CDON: variants seen among roughly 807,000 people sequenced by gnomAD.
CDON encodes the protein cell adhesion associated, oncogene regulated, also known as cell adhesion molecule-related/down-regulated by oncogenes.
A neutral mutation model predicts 120.9 loss-of-function variants in CDON; 73 were observed. The observed-to-expected ratio is 0.60, with a 90% confidence interval of 0.50 to 0.73. The LOEUF (loss-of-function observed/expected upper bound fraction) is 0.73. Ranked by LOEUF, CDON falls within the 30% of genes least tolerant of loss-of-function variation. The pLI, the probability that CDON is intolerant of heterozygous loss-of-function variation, is 0.00. For missense variants in CDON, 1,470 were observed against 1,587.3 expected, an observed-to-expected ratio of 0.93 and a Z score of 1.26; for synonymous variants, 566 against 573.5, an observed-to-expected ratio of 0.99 and a Z score of 0.19.
intron 1 of CDON, among the ~76,000 whole-genome samples, chr11:126,060,556 G>GGA (rs577890875): frequency 6.7e-6 from 1 of 148,872 alleles, no homozygotes; most frequent in Non-Finnish European, 1.5e-5. Context: ...AACGTTCGTG[G>GGA]AAAAAAAAAA....
chr11:126,028,555 G>T (rs1433496916), intron 1 of CDON, among the ~76,000 whole-genome samples: 1 of 151,706 alleles, frequency 6.6e-6, no homozygotes, highest in Non-Finnish European at 1.5e-5. Flanking sequence ...TAGAGATCGG[G>T]TTTTGCCATG....
chr11:125,960,913 T>C lies in CDON; in HGVS notation c.*29A>G, dbSNP rs771019933. ...GTTGTGTGCAGTTACCGGCTTGAAGTTGGAACATGACTGGTTGTTTGCATG... is the reference window on the plus strand; with the variant it reads ...GTTGTGTGCAGTTACCGGCTTGAAGCTGGAACATGACTGGTTGTTTGCATG... On this transcript the variant is annotated 3_prime_UTR_variant, in exon 20 of 20. Transcript: ENST00000531738. 2 of 1,612,280 alleles carry C rather than the reference T, an allele frequency of 1.2e-6. No individual in the cohort carries two copies. The highest frequency in any genetic ancestry group is 2.2e-5 in the East Asian group (1 of 44,890).
At chr11:125,970,172 G>GTTTTTTTTTT (rs36021097) in intron 18 of CDON, among the ~76,000 whole-genome samples, 5 of 103,174 alleles carry the variant, frequency 4.8e-5, no homozygotes, top group East Asian at 2.8e-4. Context: ...GGTAGTTTAT[G>GTTTTTTTTTT]TTTTTTTTTT....
chr11:125,997,153 A>G (rs1565514413), intron 12 of CDON, 54 bp downstream of exon 12: 25 of 1,297,460 alleles, frequency 1.9e-5, no homozygotes, highest in Non-Finnish European at 2.4e-5. Context: ...ATATATAAAT[A>G]TATGGATCTA....
chr11:125,993,499 C>G (rs575892550), intron 14 of CDON, among the ~76,000 whole-genome samples: 54 of 152,150 alleles, frequency 3.5e-4, no homozygotes, highest in Admixed American at 8.5e-4. Context: ...AGCAAGGTAC[C>G]CTCTCATGCA....
chr11:126,060,032 C>T (rs1948759726), intron 1 of CDON, among the ~76,000 whole-genome samples: 1 of 151,582 alleles, frequency 6.6e-6, no homozygotes, highest in African/African-American at 2.4e-5. Context: ...TTCTTTTTAA[C>T]AAAAAAGAAT....
Position 126,028,124 on chromosome 11 carries a change from T to G in CDON, c.-61-4587A>C, listed in dbSNP as rs559338966. Among the ~76,000 whole-genome samples the G allele has an allele frequency of 3.0e-4, 46 of 152,264 alleles. 3 individuals are homozygous for G. In the South Asian group the frequency reaches 9.1e-3, roughly 30 times the overall value. On this transcript the variant is annotated intron_variant, in intron 1 of 19. Transcript: ENST00000531738. ...GTCGGTTTTACAAGAATTGCTAAAT[T>G]TCTATGAATACTCATCCGAAAAAAG...
intron 19 of CDON, among the ~76,000 whole-genome samples, chr11:125,961,503 T>C (rs559195348): frequency 6.6e-5 from 10 of 152,356 alleles, no homozygotes; most frequent in African/African-American, 1.9e-4. Flanking sequence ...TGTGATGGGA[T>C]TGACAGCCTG....
chr11:125,967,291 C>T (rs1284312995), intron 18 of CDON, among the ~76,000 whole-genome samples: 1 of 152,280 alleles, frequency 6.6e-6, no homozygotes, highest in Non-Finnish European at 1.5e-5. Flanking sequence ...ATGGCTAGCA[C>T]CAAGCACATA....
intron 2 of CDON, among the ~76,000 whole-genome samples, chr11:126,022,714 A>T (rs1947676227): frequency 6.6e-6 from 1 of 152,304 alleles, no homozygotes; most frequent in Non-Finnish European, 1.5e-5. Flanking sequence ...AAACCACAAA[A>T]CCAATTTTCC....
chr11:126,051,413 T>C (rs1322330993), intron 1 of CDON, among the ~76,000 whole-genome samples: 1 of 152,184 alleles, frequency 6.6e-6, no homozygotes, highest in Admixed American at 6.5e-5. Context: ...AGCCTGGATT[T>C]ACCAAGGTTC....
chr11:126,044,328 A>G (rs971933036), intron 1 of CDON, among the ~76,000 whole-genome samples: 1 of 151,938 alleles, frequency 6.6e-6, no homozygotes, highest in African/African-American at 2.4e-5. Flanking sequence ...TGGATTGTTA[A>G]AAACAAATTC....
Position 125,961,068 on chromosome 11 carries a change from A to C in CDON, c.3669T>G (p.Ile1223Met). ...SCAHSETEIN[I>M]VSWNALILPP... ...GCAAAATAAGAGCATTCCAACTTAC[A>C]ATGTTGATCTCTGTTTCTGAATGGG... Residue 1223 changes from isoleucine (I) to methionine (M), a missense_variant, in exon 20 of 20, where the codon ATT becomes ATG. Coordinates refer to ENST00000531738, the MANE Select transcript of CDON (RefSeq NM_001378964.1). 2 of 1,614,130 alleles carry C rather than the reference A, an allele frequency of 1.2e-6. No individual in the cohort carries two copies. Among genetic ancestry groups the C allele is most frequent in the Non-Finnish European group, 1.7e-6 (2 of 1,179,954 alleles).
intron 1 of CDON, among the ~76,000 whole-genome samples, chr11:126,051,979 A>G (rs1948570546): frequency 6.6e-6 from 1 of 152,076 alleles, no homozygotes; most frequent in Non-Finnish European, 1.5e-5. Context: ...GCATCCTCAA[A>G]CGCAAAAGAA....
intron 1 of CDON, among the ~76,000 whole-genome samples, chr11:126,028,042 A>G (rs1947844053): frequency 6.8e-6 from 1 of 147,152 alleles, no homozygotes; most frequent in African/African-American, 2.5e-5. Flanking sequence ...TGTTGTCAAC[A>G]TAATGCCTGG....
Position 126,005,747 on chromosome 11 carries a change from A to G in CDON, c.1851+12T>C. On this transcript the variant is annotated intron_variant, in intron 9 of 19. Coordinates refer to ENST00000531738, the MANE Select transcript of CDON (RefSeq NM_001378964.1). ...TGTGAGCCGAGAAAGATGATAAACG[A>G]CAAGACATTACCTTTCGATACTTCA... 6.2e-7 allele frequency: 1 copy of G among 1,611,920 alleles called. No homozygotes were observed. The highest frequency in any genetic ancestry group is 8.5e-7 in the Non-Finnish European group (1 of 1,179,320).
chr11:126,050,455 A>C (rs1948527797), intron 1 of CDON, among the ~76,000 whole-genome samples: 1 of 151,378 alleles, frequency 6.6e-6, no homozygotes. Flanking sequence ...TTCCATTCTA[A>C]CAAAGATTTT....
At position 126,062,655 on chromosome 11, in the gene CDON, C is replaced by T. The variant is rs1248884520; in HGVS notation, c.-138G>A. 1.3e-5 allele frequency: 2 copies of T among 154,062 alleles called. No individual in the cohort carries two copies. The highest frequency in any genetic ancestry group is 6.6e-5 in the Admixed American group (1 of 15,238). The allele number at this position is 154,062 out of a possible 1,614,324, so 9.5% of individuals were successfully genotyped here. On this transcript the variant is annotated 5_prime_UTR_variant, in exon 1 of 20. Transcript: ENST00000531738. ...GGAAAGCCACCCCCAGGTCATCCCC[C>T]CGCGCGCGCGCGGCGGCGGCTACGG...
chr11:126,029,811 A>T (rs1175711919), intron 1 of CDON, among the ~76,000 whole-genome samples: 4 of 152,174 alleles, frequency 2.6e-5, no homozygotes, highest in African/African-American at 9.7e-5. Context: ...GTCTGAGAAG[A>T]TGCTTAGTGG....
Sources: gnomAD v4.1 joint callset for allele counts (sites outside exome capture counted in the v4.1 genomes callset) on GRCh38, gnomAD v4.1.1 for gene constraint, MANE v1.5 for transcripts, NCBI Gene and HGNC (gene_info 2026-07-23, HGNC 2026-07-21) for gene names.